The following RIMS2 variants were observed in gnomAD, a reference collection of about 807,000 sequenced individuals.
RIMS2 encodes regulating synaptic membrane exocytosis 2.
In RIMS2, 59 loss-of-function variants were observed where a neutral mutation model predicts 174.4. The ratio of observed to expected loss-of-function variants is 0.34; its 90% confidence interval spans 0.27 to 0.42. The LOEUF is 0.42. Among genes scored for constraint, RIMS2 ranks in the 10% least tolerant of loss-of-function variants. RIMS2 has a pLI of 1.00. For missense variants in RIMS2, 1,620 were observed against 1,666.3 expected, an observed-to-expected ratio of 0.97 and a Z score of 0.48; for synonymous variants, 606 against 572.5, an observed-to-expected ratio of 1.06 and a Z score of -0.84.
intron 19 of RIMS2, among the ~76,000 whole-genome samples, chr8:104,025,155 T>A (rs1356107743): frequency 1.3e-5 from 2 of 152,128 alleles, no homozygotes; most frequent in African/African-American, 2.4e-5. Flanking sequence ...TAAATCTACT[T>A]TTTAAAATAA....
intron 3 of RIMS2, among the ~76,000 whole-genome samples, chr8:103,846,386 G>A (rs905337110): frequency 2.0e-5 from 3 of 152,140 alleles, no homozygotes; most frequent in African/African-American, 4.8e-5. Context: ...AGAAGAACTA[G>A]TCAAGGGCAT....
At chr8:103,759,766 G>C (rs1355631953) in intron 2 of RIMS2, among the ~76,000 whole-genome samples, 1 of 152,042 alleles carries the variant, frequency 6.6e-6, no homozygotes, top group Non-Finnish European at 1.5e-5. Flanking sequence ...GTGGAATAGA[G>C]GGTCATTCAG....
chr8:103,719,115 A>T (rs1463967835), intron 2 of RIMS2, among the ~76,000 whole-genome samples: 1 of 102,766 alleles, frequency 9.7e-6, no homozygotes, highest in African/African-American at 4.2e-5. Context: ...GTCATAAGTT[A>T]AAAAAAAATG....
chr8:103,816,703 C>A (rs937752634), intron 3 of RIMS2, among the ~76,000 whole-genome samples: 21 of 152,060 alleles, frequency 1.4e-4, no homozygotes, highest in African/African-American at 4.8e-4. Context: ...ACTGAGGGAA[C>A]TAGAAGAAAG....
chr8:103,618,004 A>G (rs1465066762), intron 1 of RIMS2, among the ~76,000 whole-genome samples: 2 of 152,022 alleles, frequency 1.3e-5, no homozygotes, highest in Non-Finnish European at 2.9e-5. Context: ...CCATAGGAAT[A>G]TAAATCATTT....
chr8:104,146,136 G>A (rs540880725), intron 19 of RIMS2, among the ~76,000 whole-genome samples: 2 of 144,188 alleles, frequency 1.4e-5, no homozygotes, highest in African/African-American at 2.6e-5. Context: ...AGGATCAGGA[G>A]AGAGGATCAC....
intron 16 of RIMS2, among the ~76,000 whole-genome samples, chr8:103,982,235 A>G (rs1364043388): frequency 1.3e-5 from 2 of 152,136 alleles, no homozygotes; most frequent in East Asian, 3.9e-4. Context: ...AACAAATAAC[A>G]AGATCAAAGC....
Position 104,194,880 on chromosome 8 carries a change from CAT to C in RIMS2, c.3335-50035_3335-50034del, listed in dbSNP as rs368716923. On this transcript the variant is annotated intron_variant, in intron 19 of 23. Coordinates refer to ENST00000504942, the Ensembl canonical transcript of RIMS2. ...ATGCCAGGTACCCCACCTTCACAAA[CAT>C]GTGGGATTTAAGAACCTCTGATATG... Among the ~76,000 whole-genome samples the C allele has an allele frequency of 2.0e-3, 306 of 152,280 alleles. 1 individual carries two copies. The highest frequency in any genetic ancestry group is 6.1e-3 in the African/African-American group (253 of 41,538).
chr8:103,580,077 GAC>G (rs2093515948), intron 1 of RIMS2, among the ~76,000 whole-genome samples: 1 of 152,010 alleles, frequency 6.6e-6, no homozygotes, highest in South Asian at 2.1e-4. Flanking sequence ...TTTGGGTGGG[GAC>G]ACAGAGCAAA....
chr8:103,826,851 T>C (rs908616791), intron 3 of RIMS2, among the ~76,000 whole-genome samples: 1 of 151,542 alleles, frequency 6.6e-6, no homozygotes, highest in East Asian at 1.9e-4. Context: ...GACAAAACTT[T>C]TTTTTTTTTG....
intron 2 of RIMS2, among the ~76,000 whole-genome samples, chr8:103,732,183 ACT>A (rs2097607444): frequency 1.3e-5 from 2 of 152,176 alleles, no homozygotes; most frequent in Non-Finnish European, 2.9e-5. Context: ...TAATGCTGTG[ACT>A]CTAACAGACT....
intron 2 of RIMS2, among the ~76,000 whole-genome samples, chr8:103,750,156 A>T (rs2139681709): frequency 6.6e-6 from 1 of 152,248 alleles, no homozygotes; most frequent in East Asian, 1.9e-4. Context: ...TATTGATATT[A>T]CATTGTTAAC....
intron 2 of RIMS2, among the ~76,000 whole-genome samples, chr8:103,721,108 T>G (rs1463353462): frequency 2.0e-5 from 3 of 152,116 alleles, no homozygotes; most frequent in Non-Finnish European, 4.4e-5. Context: ...TCTTACAAGA[T>G]CTGGTTGTTT....
At chr8:104,048,580 A>G (rs551928088) in intron 19 of RIMS2, among the ~76,000 whole-genome samples, 1 of 152,194 alleles carries the variant, frequency 6.6e-6, no homozygotes, top group African/African-American at 2.4e-5. Context: ...AAATAAAAAC[A>G]TATGTATGAT....
chr8:104,084,911 G>C (rs1411896920), intron 19 of RIMS2, among the ~76,000 whole-genome samples: 2 of 152,110 alleles, frequency 1.3e-5, no homozygotes, highest in African/African-American at 4.8e-5. Context: ...TGGAAGAGCA[G>C]TTACACACCC....
chr8:103,830,387 T>G (rs2098818054), intron 3 of RIMS2, among the ~76,000 whole-genome samples: 1 of 152,138 alleles, frequency 6.6e-6, no homozygotes, highest in Non-Finnish European at 1.5e-5. Flanking sequence ...ATAAAATATC[T>G]TATTATTTTT....
intron 1 of RIMS2, among the ~76,000 whole-genome samples, chr8:103,517,302 T>C (rs1425503842): frequency 6.6e-6 from 1 of 152,182 alleles, no homozygotes; most frequent in Non-Finnish European, 1.5e-5. Context: ...TTTAGACATA[T>C]GCTGTGAAAA....
chr8:103,679,403 G>C (rs1392449144), intron 1 of RIMS2, among the ~76,000 whole-genome samples: 2 of 151,872 alleles, frequency 1.3e-5, no homozygotes, highest in Non-Finnish European at 2.9e-5. Context: ...AATTCACAGT[G>C]GTATGACCTC....
At chr8:103,881,602 C>A (rs575431414) in intron 3 of RIMS2, among the ~76,000 whole-genome samples, 1 of 151,366 alleles carries the variant, frequency 6.6e-6, no homozygotes, top group African/African-American at 2.4e-5. Flanking sequence ...GGATTTCCTA[C>A]GCAAACTATT....
Sources: gnomAD v4.1 joint callset for allele counts (sites outside exome capture counted in the v4.1 genomes callset) on GRCh38, gnomAD v4.1.1 for gene constraint, MANE v1.5 for transcripts, NCBI Gene and HGNC (gene_info 2026-07-23, HGNC 2026-07-21) for gene names.